SBNO1: variants seen among roughly 807,000 people sequenced by gnomAD.
The protein encoded by SBNO1 is protein strawberry notch homolog 1.
In SBNO1, 23 loss-of-function variants were observed where a neutral mutation model predicts 173.6. The observed-to-expected ratio is 0.13, with a 90% CI of 0.10 to 0.19. The LOEUF is 0.19. SBNO1 is among the 10% of genes least tolerant of loss of function. The pLI, the probability that SBNO1 is intolerant of heterozygous loss-of-function variation, is 1.00. For missense variants in SBNO1, 1,238 were observed against 1,671.2 expected (o/e 0.74, Z 4.52); for synonymous variants, 632 against 571.5 (o/e 1.11, Z -1.51).
chr12:123,301,174 ATTT>A (rs2048780164), intron 30 of SBNO1, among the ~76,000 whole-genome samples: 1 of 151,734 alleles, frequency 6.6e-6, no homozygotes. Context: ...TGCCCTGCTA[ATTT>A]TTTTATTTTT....
At chr12:123,314,744 TACA>T (rs1869067928) in intron 23 of SBNO1, among the ~76,000 whole-genome samples, 1 of 152,072 alleles carries the variant, frequency 6.6e-6, no homozygotes, top group Non-Finnish European at 1.5e-5. Context: ...TAGCTGGGAC[TACA>T]GATGCATGCC....
At chr12:123,334,569 A>G (rs547763447) in intron 6 of SBNO1, among the ~76,000 whole-genome samples, 68 of 152,216 alleles carry the variant, frequency 4.5e-4, no homozygotes, top group African/African-American at 1.6e-3. Context: ...TTAGCTGGGC[A>G]TGTTGGCACG....
chr12:123,350,382 C>T lies in SBNO1; in HGVS notation c.60G>A (p.Pro20=), dbSNP rs538900047. The change falls in exon 2 of 32, where the codon CCG becomes CCA. Residue 20 remains proline (P), a synonymous_variant. Transcript: ENST00000602398. ...CACCATCAATATCAAAGAGGTCATT[C>T]GGACTAATTCCACTCTCACTCAAAG... ...LAALSESGIS[P]NDLFDIDGGD... 62 of 1,613,982 alleles carry T rather than the reference C, an allele frequency of 3.8e-5. No individual in the cohort carries two copies. The highest frequency in any genetic ancestry group is 5.1e-5 in the Non-Finnish European group (60 of 1,179,912).
At position 123,307,020 on chromosome 12, in the gene SBNO1, T is replaced by TTAAA. The variant is rs755357101; in HGVS notation, c.3630+2289_3630+2290insTTTA. On this transcript the variant is annotated intron_variant, in intron 28 of 31. Transcript: ENST00000602398. Reference sequence around the variant, plus strand: ...CAACACAGTGAGACATCAACTGCATTAAAAAAAAAAAAAAAAAAAAAAGCC... The same window carrying TTAAA: ...CAACACAGTGAGACATCAACTGCATTTAAAAAAAAAAAAAAAAAAAAAAAAAGCC... Among the ~76,000 whole-genome samples, 20 of 64,432 alleles carry TTAAA rather than the reference T, an allele frequency of 3.1e-4. 1 individual carries two copies. Among genetic ancestry groups the TTAAA allele is most frequent in the Non-Finnish European group, 3.5e-4 (13 of 36,696 alleles). The allele number at this position is 64,432 out of a possible 152,430, so 42.3% of individuals were successfully genotyped here.
At chr12:123,316,127 A>G (rs1178702721) in intron 21 of SBNO1, among the ~76,000 whole-genome samples, 1 of 152,172 alleles carries the variant, frequency 6.6e-6, no homozygotes, top group Admixed American at 6.5e-5. Context: ...GTAAACAAGC[A>G]AAAAATGAAT....
chr12:123,317,497 C>T, intron 20 of SBNO1, 141 bp from the exon 21 acceptor site: 1 of 740,540 alleles, frequency 1.4e-6, no homozygotes, highest in Non-Finnish European at 2.2e-6. Context: ...TCCCAGTCTC[C>T]CTTACGGCTA....
At chr12:123,357,792 T>C (rs1196494541) in intron 1 of SBNO1, among the ~76,000 whole-genome samples, 1 of 152,184 alleles carries the variant, frequency 6.6e-6, no homozygotes, top group Non-Finnish European at 1.5e-5. Flanking sequence ...ATGCAATCTG[T>C]ACTTTTCAAC....
chr12:123,329,554 G>A (rs1051731412), intron 9 of SBNO1, among the ~76,000 whole-genome samples: 1 of 151,990 alleles, frequency 6.6e-6, no homozygotes, highest in African/African-American at 2.4e-5. Context: ...TAAGAATTAT[G>A]AGTAATTGTT....
intron 13 of SBNO1, among the ~76,000 whole-genome samples, chr12:123,327,040 C>CT (rs1870690489): frequency 6.6e-6 from 1 of 152,174 alleles, no homozygotes; most frequent in African/African-American, 2.4e-5. Flanking sequence ...GAGTATCCCT[C>CT]TGTTACCCAA....
chr12:123,311,918 T>G (rs1868618928), intron 24 of SBNO1, among the ~76,000 whole-genome samples: 1 of 150,488 alleles, frequency 6.6e-6, no homozygotes, highest in South Asian at 2.1e-4. Context: ...TTTTGTAATT[T>G]TTTTAGAGAG....
At chr12:123,326,662 A>C (rs1411116883) in intron 13 of SBNO1, among the ~76,000 whole-genome samples, 2 of 152,342 alleles carry the variant, frequency 1.3e-5, no homozygotes, top group East Asian at 3.9e-4. Flanking sequence ...GCAGTGGCTG[A>C]TGCCTGTAAT....
rs115955712 is a variant in SBNO1, at chr12:123,301,514, G to C, written c.3845+1310C>G. 1.8e-4 allele frequency among the ~76,000 whole-genome samples: 28 copies of C among 152,242 alleles called. 1 individual carries two copies. The highest frequency in any genetic ancestry group is 1.5e-3 in the Admixed American group (23 of 15,278). Reference sequence around the variant, plus strand: ...CTTTTCATGAAGTGGGCCAGATACTGTAAGAGCATTAACTACTTAATGAGG... The same window carrying C: ...CTTTTCATGAAGTGGGCCAGATACTCTAAGAGCATTAACTACTTAATGAGG... On this transcript the variant is annotated intron_variant, in intron 30 of 31. Coordinates refer to ENST00000602398, the MANE Select transcript of SBNO1 (RefSeq NM_001167856.3).
At chr12:123,306,714 G>A (rs1348342842) in intron 28 of SBNO1, among the ~76,000 whole-genome samples, 1 of 151,990 alleles carries the variant, frequency 6.6e-6, no homozygotes, top group African/African-American at 2.4e-5. Context: ...ATCTATGGGG[G>A]ATAGCCGAGT....
At chr12:123,337,721 C>T (rs1030859392) in intron 5 of SBNO1, among the ~76,000 whole-genome samples, 2 of 152,130 alleles carry the variant, frequency 1.3e-5, no homozygotes, top group Non-Finnish European at 2.9e-5. Context: ...CCCAATTCTG[C>T]TGTTATTTAA....
At chr12:123,360,484 G>A (rs573661635) in intron 1 of SBNO1, among the ~76,000 whole-genome samples, 5 of 151,976 alleles carry the variant, frequency 3.3e-5, no homozygotes, top group East Asian at 2.0e-4. Flanking sequence ...TCGCTGTGTC[G>A]CCAAAGCTGG....
intron 28 of SBNO1, among the ~76,000 whole-genome samples, chr12:123,305,022 T>C (rs1416464140): frequency 6.6e-6 from 1 of 152,176 alleles, no homozygotes; most frequent in Non-Finnish European, 1.5e-5. Context: ...TTCTTTTATT[T>C]CCTGTACCTG....
At chr12:123,347,685 C>T (rs540575003) in intron 3 of SBNO1, among the ~76,000 whole-genome samples, 8 of 152,194 alleles carry the variant, frequency 5.3e-5, no homozygotes, top group African/African-American at 1.9e-4. Flanking sequence ...TGCACCACCA[C>T]ACCAAGCTAA....
At chr12:123,326,908 C>T (rs1870670801) in intron 13 of SBNO1, among the ~76,000 whole-genome samples, 1 of 152,032 alleles carries the variant, frequency 6.6e-6, no homozygotes, top group African/African-American at 2.4e-5. Context: ...GTCTGGGTGA[C>T]AGAGTAAGAC....
intron 3 of SBNO1, among the ~76,000 whole-genome samples, chr12:123,347,678 A>C (rs1303672118): frequency 1.3e-5 from 2 of 151,990 alleles, no homozygotes; most frequent in Non-Finnish European, 2.9e-5. Context: ...ATAGGCGTGC[A>C]CCACCACACC....
Sources: allele counts gnomAD v4.1 joint callset (sites outside exome capture counted in the v4.1 genomes callset), GRCh38; gene constraint gnomAD v4.1.1; transcripts MANE v1.5; gene names NCBI Gene and HGNC (gene_info 2026-07-23, HGNC 2026-07-21).